Variants in SDK1 observed in about 807,000 individuals in gnomAD.
The protein encoded by SDK1 is protein sidekick-1.
SDK1 carries 157 observed loss-of-function variants against 245.5 expected under a neutral mutation model. The observed-to-expected ratio is 0.64, with a 90% CI of 0.56 to 0.73. The LOEUF (loss-of-function observed/expected upper bound fraction) is 0.73, where lower values mean the gene tolerates loss of function less well. SDK1 is among the 30% of genes least tolerant of loss of function. The pLI, the probability that SDK1 is intolerant of heterozygous loss-of-function variation, is 0.00. For missense variants in SDK1, 3,583 were observed against 3,002.3 expected (o/e 1.19, Z -4.52); for synonymous variants, 1,647 against 1,278.5 (o/e 1.29, Z -6.15).
intron 1 of SDK1, among the ~76,000 whole-genome samples, chr7:3,595,165 AGCTTT>A (rs1781012115): frequency 6.6e-6 from 1 of 151,976 alleles, no homozygotes; most frequent in Non-Finnish European, 1.5e-5. Context: ...GAATAATGTG[AGCTTT>A]TTCAGCTAGC....
At chr7:4,001,688 C>A (rs570450071) in intron 14 of SDK1, among the ~76,000 whole-genome samples, 2 of 152,306 alleles carry the variant, frequency 1.3e-5, no homozygotes, top group African/African-American at 4.8e-5. Flanking sequence ...GAAAGTCTTC[C>A]CAAAGGGAAG....
At chr7:3,766,657 T>A (rs977456515) in intron 4 of SDK1, among the ~76,000 whole-genome samples, 1 of 152,218 alleles carries the variant, frequency 6.6e-6, no homozygotes. Context: ...AGCTTTTGGT[T>A]ATTATGGGCT....
At chr7:3,907,703 C>A (rs562605763) in intron 5 of SDK1, among the ~76,000 whole-genome samples, 196 of 152,320 alleles carry the variant, frequency 1.3e-3, no homozygotes, top group Non-Finnish European at 2.2e-3. Context: ...TGAAATAAAT[C>A]ACAAAGGTGT....
Position 3,951,734 on chromosome 7 carries a change from G to A in SDK1, c.964G>A (p.Val322Met), listed in dbSNP as rs779566196. 3 of 1,612,950 alleles carry A rather than the reference G, an allele frequency of 1.9e-6. No homozygotes were observed. The highest frequency in any genetic ancestry group is 3.3e-5 in the Admixed American group (2 of 60,014). Residue 322 changes from valine to methionine, a missense_variant, in exon 7 of 45, where the codon GTG (valine) becomes ATG (methionine). Physicochemically the swap from Val to Met is conservative, Grantham distance 21. Coordinates refer to ENST00000404826, the MANE Select transcript of SDK1 (RefSeq NM_152744.4). ...GAATGCCTTTCATTCCCACAGGCCT[G>A]TGGAGGACCTGAGTGTGACCTGGAA... ...TLECIASARP[V>M]EDLSVTWKRN...
intron 4 of SDK1, among the ~76,000 whole-genome samples, chr7:3,757,336 C>A (rs749580531): frequency 6.6e-6 from 1 of 152,070 alleles, no homozygotes; most frequent in African/African-American, 2.4e-5. Flanking sequence ...TGGTCTCAAG[C>A]GATCCTCCCT....
intron 1 of SDK1, among the ~76,000 whole-genome samples, chr7:3,408,545 T>C (rs1054555419): frequency 6.6e-6 from 1 of 152,212 alleles, no homozygotes; most frequent in Non-Finnish European, 1.5e-5. Flanking sequence ...TGAAGAAATA[T>C]TTAATACATG....
intron 1 of SDK1, among the ~76,000 whole-genome samples, chr7:3,427,349 T>A (rs985742813): frequency 4.6e-5 from 7 of 151,864 alleles, no homozygotes; most frequent in Non-Finnish European, 8.8e-5. Context: ...TGAAACCCTG[T>A]CTGTACTAAA....
At chr7:3,889,047 A>G (rs1781397921) in intron 5 of SDK1, among the ~76,000 whole-genome samples, 1 of 152,230 alleles carries the variant, frequency 6.6e-6, no homozygotes, top group Non-Finnish European at 1.5e-5. Flanking sequence ...GGATCCTGAC[A>G]TAATCAACCG....
chr7:4,243,845 G>C (rs1786674809), intron 43 of SDK1, among the ~76,000 whole-genome samples: 1 of 152,190 alleles, frequency 6.6e-6, no homozygotes, highest in South Asian at 2.1e-4. Context: ...GGACACCTGA[G>C]ATTGGTCCTG....
At chr7:3,951,403 T>G (rs530410836) in intron 6 of SDK1, among the ~76,000 whole-genome samples, 27 of 152,326 alleles carry the variant, frequency 1.8e-4, no homozygotes, top group African/African-American at 6.3e-4. Flanking sequence ...CAAGCTCGGA[T>G]GATCCCGCCT....
At chr7:3,400,888 A>G (rs1778870695) in intron 1 of SDK1, among the ~76,000 whole-genome samples, 1 of 152,130 alleles carries the variant, frequency 6.6e-6, no homozygotes, top group African/African-American at 2.4e-5. Context: ...GGCCAGAGGA[A>G]TTGCTTATGG....
intron 4 of SDK1, among the ~76,000 whole-genome samples, chr7:3,687,361 T>G (rs953031864): frequency 6.6e-6 from 1 of 152,028 alleles, no homozygotes; most frequent in African/African-American, 2.4e-5. Flanking sequence ...TCTCTTGACC[T>G]CATGATCCAC....
intron 5 of SDK1, among the ~76,000 whole-genome samples, chr7:3,933,552 G>A (rs1780054985): frequency 6.6e-6 from 1 of 152,142 alleles, no homozygotes; most frequent in African/African-American, 2.4e-5. Context: ...ACTTGATGTT[G>A]GTTAGGATAG....
intron 5 of SDK1, among the ~76,000 whole-genome samples, chr7:3,930,530 A>C (rs78095873): frequency 0.013 from 1,974 of 152,354 alleles, 45 homozygotes; most frequent in African/African-American, 0.045. Flanking sequence ...CAAGAACAGC[A>C]GTAAAGCCAG....
intron 23 of SDK1, among the ~76,000 whole-genome samples, chr7:4,111,540 CAAT>C (rs929298678): frequency 2.0e-5 from 3 of 149,380 alleles, no homozygotes; most frequent in South Asian, 2.1e-4. Flanking sequence ...AAAAAAAAAA[CAAT>C]GAGAGATGCT....
intron 1 of SDK1, among the ~76,000 whole-genome samples, chr7:3,413,539 A>G (rs1161670191): frequency 6.6e-6 from 1 of 152,054 alleles, no homozygotes; most frequent in African/African-American, 2.4e-5. Context: ...TACTAAAGGC[A>G]TGAAAATTAG....
At chr7:4,093,322 A>T in intron 22 of SDK1, among the ~76,000 whole-genome samples, 1 of 152,160 alleles carries the variant, frequency 6.6e-6, no homozygotes, top group East Asian at 1.9e-4. Flanking sequence ...ATTCGCAGCC[A>T]TTTGCTGTGC....
In SDK1 at chr7:4,245,748, C is replaced by G; in HGVS notation, c.6324C>G (p.Ala2108=). The G allele has an allele frequency of 1.2e-6, 2 of 1,614,022 alleles. No homozygotes were observed. The highest frequency in any genetic ancestry group is 2.2e-5 in the East Asian group (1 of 44,848). ...DEDICNKYNG[A]VLTESVSLKE... ...ACATCTGCAACAAGTACAACGGCGCCGTGCTGACCGAGAGCGTGAGCCTCA... is the reference window on the plus strand; with the variant it reads ...ACATCTGCAACAAGTACAACGGCGCGGTGCTGACCGAGAGCGTGAGCCTCA... Residue 2108 remains alanine (A), a synonymous_variant, in exon 44 of 45, where the codon GCC becomes GCG. Transcript: ENST00000404826.
chr7:4,194,474 A>G (rs1336847584), intron 35 of SDK1, among the ~76,000 whole-genome samples: 1 of 151,558 alleles, frequency 6.6e-6, no homozygotes, highest in Middle Eastern at 3.2e-3. Flanking sequence ...GTGTGTATAT[A>G]TATACTCCCA....
Sources: gnomAD v4.1 joint callset for allele counts (sites outside exome capture counted in the v4.1 genomes callset) on GRCh38, gnomAD v4.1.1 for gene constraint, MANE v1.5 for transcripts, NCBI Gene and HGNC (gene_info 2026-07-23, HGNC 2026-07-21) for gene names.